ADAMTS10: variants seen among roughly 807,000 people sequenced by gnomAD.
The protein encoded by ADAMTS10 is A disintegrin and metalloproteinase with thrombospondin motifs 10.
In ADAMTS10, 48 loss-of-function variants were observed where a neutral mutation model predicts 135.9. That is an observed-to-expected ratio of 0.35 (90% CI 0.28 to 0.45). The LOEUF (loss-of-function observed/expected upper bound fraction) is 0.45. ADAMTS10 is among the 20% of genes least tolerant of loss of function. The pLI is 1.00. For missense variants in ADAMTS10, 1,131 were observed against 1,565.2 expected (o/e 0.72, Z 4.68); for synonymous variants, 621 against 647.5 (o/e 0.96, Z 0.62).
chr19:8,605,300 G>A lies in ADAMTS10; in HGVS notation c.147C>T (p.His49=). ...GCGAGAAGGCCAGCAGTGCCCCGTT[G>A]TGGTCCACGCGGGTGGGGAAGGCGA... is the stretch of plus-strand genomic sequence containing the variant. ...YEIAFPTRVD[H]NGALLAFSPP... The change falls in exon 4 of 26, where the codon CAC becomes CAT. Residue 49 remains histidine (H), a synonymous_variant. Transcript: ENST00000597188. This position sits in a 1 kb window ranked among gnomAD's most constrained non-coding sequence, Gnocchi z 7.7. 1 of 1,612,166 alleles carries A rather than the reference G, an allele frequency of 6.2e-7. No homozygotes were observed. Among genetic ancestry groups the A allele is most frequent in the East Asian group, 2.2e-5 (1 of 44,810 alleles).
In ADAMTS10 at chr19:8,586,801, C is replaced by T; in HGVS notation, c.2239+15G>A. On this transcript the variant is annotated intron_variant, in intron 19 of 25. Transcript: ENST00000597188. ...CTGACCCCTAATCCTCATCCCCTCC[C>T]CACCATCTGCTCACCCAAGTGACTG... 2 of 1,614,126 alleles carry T rather than the reference C, an allele frequency of 1.2e-6. No individual in the cohort carries two copies. Among genetic ancestry groups the T allele is most frequent in the Non-Finnish European group, 1.7e-6 (2 of 1,180,016 alleles).
chr19:8,586,151 G>T lies in ADAMTS10; in HGVS notation c.2631C>A (p.Arg877=). ...SAHSKLPKRQ[R]ACNTEPCPPD... is the part of the protein sequence containing the mutation. Reference sequence around the variant, plus strand: ...GAGGGCAAGGCTCCGTGTTGCAGGCGCGCTGCCTTTTGGGCAGCTTGCTGT... The same window carrying T: ...GAGGGCAAGGCTCCGTGTTGCAGGCTCGCTGCCTTTTGGGCAGCTTGCTGT... The change falls in exon 22 of 26, where the codon CGC becomes CGA. Residue 877 remains arginine, a synonymous_variant. Transcript: ENST00000597188. 2 of 1,613,098 alleles carry T rather than the reference G, an allele frequency of 1.2e-6. No homozygotes were observed. Among genetic ancestry groups the T allele is most frequent in the Non-Finnish European group, 1.7e-6 (2 of 1,180,002 alleles).
intron 12 of ADAMTS10, among the ~76,000 whole-genome samples, chr19:8,594,400 G>A (rs2042579812): frequency 6.6e-6 from 1 of 152,138 alleles, no homozygotes; most frequent in African/African-American, 2.4e-5. Flanking sequence ...CAGGCACCAG[G>A]CTGAACCCTT....
rs1341485195 is a variant in ADAMTS10 at position 8,596,789 on chromosome 19, A to T, written c.1040+198T>A. On this transcript the variant is annotated intron_variant, in intron 8 of 25. Coordinates refer to ENST00000597188, the MANE Select transcript of ADAMTS10 (RefSeq NM_030957.4). This position sits in a 1 kb window ranked among gnomAD's most constrained non-coding sequence, Gnocchi z 7.2. ...AGTGGGAGAATAAGTGAATGAGGGCATCGGTGCCCAAATGGTCCCAAACCT... is the reference window on the plus strand; with the variant it reads ...AGTGGGAGAATAAGTGAATGAGGGCTTCGGTGCCCAAATGGTCCCAAACCT... Among the ~76,000 whole-genome samples the T allele has an allele frequency of 6.6e-6, 1 of 152,146 alleles. No homozygotes were observed. Among genetic ancestry groups the T allele is most frequent in the Non-Finnish European group, 1.5e-5 (1 of 68,024 alleles).
rs1168575796 is a variant in ADAMTS10, at chr19:8,584,964, G to A, written c.3133C>T (p.Leu1045=). 3.7e-5 allele frequency: 57 copies of A among 1,547,314 alleles called. No individual in the cohort carries two copies. Among genetic ancestry groups the A allele is most frequent in the Non-Finnish European group, 4.5e-5 (52 of 1,146,314 alleles). The change falls in exon 25 of 26, where the codon CTG becomes TTG. Residue 1045 remains leucine, a synonymous_variant. Transcript: ENST00000597188. The part of the protein sequence containing the change: ...GQASHECTEA[L]RPPTTQQCEA... ...CACTGCTGCGTGGTGGGCGGCCGCA[G>A]GGCCTCCGTGCACTCGTGCGACGCC... is the stretch of plus-strand genomic sequence containing the variant.
In ADAMTS10 at chr19:8,600,927, C is replaced by T. The variant is rs387906266; in HGVS notation, c.810+1G>A. The T allele has an allele frequency of 2.5e-6, 4 of 1,613,964 alleles. No individual in the cohort carries two copies. Among genetic ancestry groups the T allele is most frequent in the Non-Finnish European group, 1.7e-6 (2 of 1,180,050 alleles). ...GTGCCCAGGGAGGGGAAGGCACTTACAATGTTCATGATGGCCAGGACATAC... is the reference window on the plus strand; with the variant it reads ...GTGCCCAGGGAGGGGAAGGCACTTATAATGTTCATGATGGCCAGGACATAC... On this transcript the variant is annotated splice_donor_variant, in intron 6 of 25. Transcript: ENST00000597188. LOFTEE classifies it high-confidence loss of function.
rs116024095 is a variant in ADAMTS10 at position 8,580,465 on chromosome 19, T to A, written c.*428A>T. ...CCCCCCCTCCCATAGCAGACACAGA[T>A]TCCCCCCCAGCTCGGAGTGGAGGGG... On this transcript the variant is annotated 3_prime_UTR_variant, in exon 26 of 26. Coordinates refer to ENST00000597188, the MANE Select transcript of ADAMTS10 (RefSeq NM_030957.4). The A allele has an allele frequency of 2.4e-5, 4 of 168,952 alleles. No individual in the cohort carries two copies. Among genetic ancestry groups the A allele is most frequent in the African/African-American group, 9.7e-5 (4 of 41,040 alleles). 10.5% of individuals were successfully genotyped at this position (168,952 alleles called of 1,614,324 possible). A position where few individuals can be genotyped will look rare whatever the true frequency, so the allele number is the denominator to read the frequency against.
At position 8,592,777 on chromosome 19, in the gene ADAMTS10, T is replaced by A; in HGVS notation, c.1573A>T (p.Thr525Ser). Residue 525 changes from threonine (T) to serine (S), a missense_variant, in exon 13 of 26, where the codon ACC becomes TCC. Thr to Ser is a moderately conservative substitution (Grantham distance 58). Transcript: ENST00000597188. ...CCGGCGCTCACCCCCTTGTCGATGG[T>A]GTGCGTCTGGCACAGCGTGCCCTCG... is the stretch of plus-strand genomic sequence containing the variant. Reference protein sequence around the residue: ...AAEGTLCQTHTIDKGWCYKRV... With the variant: ...AAEGTLCQTHSIDKGWCYKRV... 6.2e-7 allele frequency: 1 copy of A among 1,612,228 alleles called. No individual in the cohort carries two copies. Among genetic ancestry groups the A allele is most frequent in the Admixed American group, 1.7e-5 (1 of 59,980 alleles).
Position 8,596,388 on chromosome 19 carries a change from C to T in ADAMTS10, c.1109G>A (p.Cys370Tyr), listed in dbSNP as rs939772934. ...GACGCTGCAGCTTCTCTCGCGCTCACACATTCCGCCCACCGGGGCCAGGCC... is the reference window on the plus strand; with the variant it reads ...GACGCTGCAGCTTCTCTCGCGCTCATACATTCCGCCCACCGGGGCCAGGCC... ...TLGLAPVGGM[C>Y]ERERSCSVNE... Residue 370 changes from cysteine (C) to tyrosine (Y), a missense_variant, in exon 10 of 26, where the codon TGT (cysteine) becomes TAT (tyrosine). Physicochemically the swap from Cys to Tyr is radical, Grantham distance 194. Transcript: ENST00000597188. The surrounding 1 kb of genome is among the most constrained non-coding windows in gnomAD (Gnocchi z 7.2). The T allele has an allele frequency of 6.2e-7, 1 of 1,613,312 alleles. No individual in the cohort carries two copies. The highest frequency in any genetic ancestry group is 1.7e-5 in the Admixed American group (1 of 59,904).
rs145133126 is a variant in ADAMTS10, at chr19:8,603,884, G to A, written c.436C>T (p.His146Tyr). The A allele has an allele frequency of 2.2e-5, 36 of 1,606,414 alleles. 1 individual carries two copies. In the African/African-American group the frequency reaches 4.8e-4, roughly 21 times the overall value. The change falls in exon 5 of 26, where the codon CAC (histidine) becomes TAC (tyrosine). Residue 146 changes from histidine to tyrosine, a missense_variant and splice_region_variant. Physicochemically the swap from His to Tyr is moderately conservative, Grantham distance 83. This residue lies in a region of ADAMTS10 where 306 missense variants were observed against 344.4 expected (regional missense o/e 0.89). Coordinates refer to ENST00000597188, the MANE Select transcript of ADAMTS10 (RefSeq NM_030957.4). ...TCCTCGTCTGCCACGATCAGGCCGTGCTGGGTTTTGAGAAGTGGGATAGAA... is the reference window on the plus strand; with the variant it reads ...TCCTCGTCTGCCACGATCAGGCCGTACTGGGTTTTGAGAAGTGGGATAGAA... ...HVAISTCGGL[H>Y]GLIVADEEEY...
chr19:8,592,187 A>AC (rs782527117), intron 13 of ADAMTS10, 84 bp from the exon 14 acceptor site: 2 of 1,348,746 alleles, frequency 1.5e-6, no homozygotes, highest in Non-Finnish European at 2.0e-6. Flanking sequence ...TCCAGGCCCC[A>AC]GCCAGAGATA....
Position 8,596,487 on chromosome 19 carries a change from T to A in ADAMTS10, c.1084+55A>T. On this transcript the variant is annotated intron_variant, in intron 9 of 25. Coordinates refer to ENST00000597188, the MANE Select transcript of ADAMTS10 (RefSeq NM_030957.4). This position sits in a 1 kb window ranked among gnomAD's most constrained non-coding sequence, Gnocchi z 7.2. The stretch of plus-strand genomic sequence containing the variant: ...TGGCTGGCCCCATCCACCTGCCAGG[T>A]CTCACCCCAGCCCACTGCCTTCATA... 1.2e-6 allele frequency: 2 copies of A among 1,613,156 alleles called. No homozygotes were observed. Among genetic ancestry groups the A allele is most frequent in the Admixed American group, 1.7e-5 (1 of 59,970 alleles).
In ADAMTS10 at chr19:8,603,903, G is replaced by A; in HGVS notation, c.436-19C>T. Reference sequence around the variant, plus strand: ...GGCCGTGCTGGGTTTTGAGAAGTGGGATAGAAAGCTCTCAGGATCAGGTTC... The same window carrying A: ...GGCCGTGCTGGGTTTTGAGAAGTGGAATAGAAAGCTCTCAGGATCAGGTTC... On this transcript the variant is annotated intron_variant, in intron 4 of 25. Coordinates refer to ENST00000597188, the MANE Select transcript of ADAMTS10 (RefSeq NM_030957.4). 1 of 1,592,664 alleles carries A rather than the reference G, an allele frequency of 6.3e-7. No individual in the cohort carries two copies. The highest frequency in any genetic ancestry group is 8.6e-7 in the Non-Finnish European group (1 of 1,165,602).
Position 8,605,806 on chromosome 19 carries a change from G to C in ADAMTS10, c.-96C>G. On this transcript the variant is annotated 5_prime_UTR_variant, in exon 3 of 26. Coordinates refer to ENST00000597188, the MANE Select transcript of ADAMTS10 (RefSeq NM_030957.4). This position sits in a 1 kb window ranked among gnomAD's most constrained non-coding sequence, Gnocchi z 7.7. The stretch of plus-strand genomic sequence containing the variant: ...TTCACAGCCTTCGCAGCATCACCGG[G>C]CTCCTGGGAGGGGGGAGCCAGGTAA... 6.6e-7 allele frequency: 1 copy of C among 1,517,796 alleles called. No homozygotes were observed. Among genetic ancestry groups the C allele is most frequent in the Non-Finnish European group, 8.8e-7 (1 of 1,134,960 alleles). The allele number at this position is 1,517,796 out of a possible 1,614,324, so 94.0% of individuals were successfully genotyped here.
chr19:8,585,996 G>A (rs2042422831), intron 22 of ADAMTS10, 126 bp downstream of exon 22: 1 of 1,491,568 alleles, frequency 6.7e-7, no homozygotes, highest in Non-Finnish European at 9.1e-7. Flanking sequence ...CATCACTGCA[G>A]CACTCGGCCC....
intron 4 of ADAMTS10, 36 bp from the exon 5 acceptor site, chr19:8,603,920 A>T (rs782099860): frequency 6.3e-7 from 1 of 1,578,890 alleles, no homozygotes; most frequent in Admixed American, 1.7e-5. Context: ...AGCTCTCAGG[A>T]TCAGGTTCTG....
intron 2 of ADAMTS10, among the ~76,000 whole-genome samples, chr19:8,606,781 G>A (rs1555742674): frequency 1.3e-5 from 2 of 152,140 alleles, no homozygotes; most frequent in Non-Finnish European, 1.5e-5. Flanking sequence ...GTGGACGGGG[G>A]CATGACAGCC....
intron 5 of ADAMTS10, among the ~76,000 whole-genome samples, chr19:8,602,573 G>A (rs1316477999): frequency 1.3e-5 from 2 of 151,888 alleles, no homozygotes; most frequent in Non-Finnish European, 2.9e-5. Flanking sequence ...TGCCCATCTC[G>A]GCCTCCCAAA....
rs1555741442 is a variant in ADAMTS10 at position 8,600,993 on chromosome 19, T to C, written c.745A>G (p.Lys249Glu). ...CGCCCGTGATAGGCCACCATCATCT[T>C]GTCAGCCACCACCAGGGTCTCCACG... The part of the protein sequence containing the change: ...RYVETLVVAD[K>E]MMVAYHGRRD... The change falls in exon 6 of 26, where the codon AAG (lysine) becomes GAG (glutamate). Residue 249 changes from lysine to glutamate, a missense_variant. By Grantham distance (56) the Lys-to-Glu change is moderately conservative (BLOSUM62 1). Transcript: ENST00000597188. 2 of 1,614,180 alleles carry C rather than the reference T, an allele frequency of 1.2e-6. No homozygotes were observed. Among genetic ancestry groups the C allele is most frequent in the Non-Finnish European group, 1.7e-6 (2 of 1,180,038 alleles).
Sources: allele counts gnomAD v4.1 joint callset (sites outside exome capture counted in the v4.1 genomes callset), GRCh38; gene constraint gnomAD v4.1.1; regional missense constraint gnomAD v4.1.1; non-coding constraint Gnocchi (gnomAD v3.1); transcripts MANE v1.5; gene names NCBI Gene and HGNC (gene_info 2026-07-23, HGNC 2026-07-21).